Variants in BCAT1 observed in about 807,000 individuals in gnomAD.
The protein encoded by BCAT1 is branched-chain-amino-acid aminotransferase, cytosolic.
Under a neutral mutation model 52.4 loss-of-function variants are expected in BCAT1, and 48 were observed. The observed-to-expected ratio is 0.92, with a 90% CI of 0.73 to 1.16. The LOEUF (loss-of-function observed/expected upper bound fraction) is 1.16. Among genes scored for constraint, BCAT1 ranks in the 50% most tolerant of loss-of-function variants. The pLI is 0.00. For missense variants in BCAT1, 451 were observed against 457.1 expected (o/e 0.99, Z 0.12); for synonymous variants, 167 against 161.3 (o/e 1.04, Z -0.27).
At chr12:24,919,221 T>C (rs1943466155) in intron 1 of BCAT1, among the ~76,000 whole-genome samples, 1 of 152,268 alleles carries the variant, frequency 6.6e-6, no homozygotes, top group South Asian at 2.1e-4. Flanking sequence ...GGCTATTTAT[T>C]CAGGCTACTT....
intron 1 of BCAT1, among the ~76,000 whole-genome samples, chr12:24,935,667 C>A (rs901646259): frequency 2.6e-5 from 4 of 152,190 alleles, no homozygotes; most frequent in African/African-American, 9.7e-5. Context: ...CTCAATTTAT[C>A]CCTTTTTCTC....
chr12:24,888,742 T>G (rs1248995200), intron 3 of BCAT1, among the ~76,000 whole-genome samples: 2 of 152,134 alleles, frequency 1.3e-5, no homozygotes, highest in African/African-American at 4.8e-5. Flanking sequence ...ATACAGGAGT[T>G]AAGAAATCAC....
At chr12:24,829,733 T>C in intron 10 of BCAT1, 90 bp downstream of exon 10, 1 of 1,048,130 alleles carries the variant, frequency 9.5e-7, no homozygotes. Flanking sequence ...TTCATTGAAA[T>C]ATAATTTAGT....
At chr12:24,944,627 A>T (rs748607162) in intron 1 of BCAT1, among the ~76,000 whole-genome samples, 1 of 152,204 alleles carries the variant, frequency 6.6e-6, no homozygotes, top group African/African-American at 2.4e-5. Flanking sequence ...AACAGCAAAA[A>T]CAGTTCTCAC....
chr12:24,907,561 G>A (rs891676685), intron 1 of BCAT1, among the ~76,000 whole-genome samples: 14 of 152,046 alleles, frequency 9.2e-5, no homozygotes, highest in Non-Finnish European at 1.5e-4. Context: ...CACCCTAACC[G>A]ATCAATTGAC....
chr12:24,853,845 C>T (rs954606979), intron 5 of BCAT1, among the ~76,000 whole-genome samples: 26 of 151,854 alleles, frequency 1.7e-4, no homozygotes, highest in African/African-American at 5.6e-4. Context: ...TACTAGCTTC[C>T]TGGAATATTC....
At chr12:24,831,190 G>A (rs1391748465) in intron 9 of BCAT1, among the ~76,000 whole-genome samples, 1 of 152,256 alleles carries the variant, frequency 6.6e-6, no homozygotes, top group South Asian at 2.1e-4. Flanking sequence ...GTAATGAATA[G>A]TAAATATATT....
chr12:24,942,059 G>A (rs1175474732), intron 1 of BCAT1, among the ~76,000 whole-genome samples: 2 of 152,182 alleles, frequency 1.3e-5, no homozygotes, highest in Non-Finnish European at 2.9e-5. Flanking sequence ...TTTGCGTGGT[G>A]GAATGACATC....
In BCAT1 at chr12:24,881,297, A is replaced by T; in HGVS notation, c.390+4T>A. 1 of 1,593,822 alleles carries T rather than the reference A, an allele frequency of 6.3e-7. No homozygotes were observed. Among genetic ancestry groups the T allele is most frequent in the Non-Finnish European group, 8.6e-7 (1 of 1,163,446 alleles). On this transcript the variant is annotated splice_donor_region_variant and intron_variant, in intron 4 of 10. Transcript: ENST00000261192. ...ACACAAAAGAAACTCCTACACTTAC[A>T]TACCGGCAGAGTTGCCCTCACAGCA...
chr12:24,913,015 C>A (rs1193603049), intron 1 of BCAT1, among the ~76,000 whole-genome samples: 2 of 152,106 alleles, frequency 1.3e-5, no homozygotes, highest in Admixed American at 1.3e-4. Flanking sequence ...GAAACCCTGT[C>A]TTTACAAAAA....
At chr12:24,885,575 A>ATTT (rs1211497351) in intron 3 of BCAT1, among the ~76,000 whole-genome samples, 4 of 152,222 alleles carry the variant, frequency 2.6e-5, no homozygotes, top group Non-Finnish European at 5.9e-5. Context: ...TCTAAAAATT[A>ATTT]TATGGAAAGA....
chr12:24,948,995 C>G lies in BCAT1; in HGVS notation c.-63G>C. The G allele has an allele frequency of 3.2e-6, 5 of 1,558,266 alleles. No homozygotes were observed. The highest frequency in any genetic ancestry group is 1.4e-5 in the African/African-American group (1 of 73,758). ...AGGGCAGATCCCAAGGGTCGTAGCC[C>G]CTGGCCGTGTGGACCGGGTCTGCGG... is the stretch of plus-strand genomic sequence containing the variant. On this transcript the variant is annotated 5_prime_UTR_variant, in exon 1 of 11. Coordinates refer to ENST00000261192, the MANE Select transcript of BCAT1 (RefSeq NM_005504.7).
At chr12:24,846,497 T>C (rs533236435) in intron 6 of BCAT1, among the ~76,000 whole-genome samples, 2 of 152,114 alleles carry the variant, frequency 1.3e-5, no homozygotes, top group African/African-American at 4.8e-5. Flanking sequence ...TTTAAATAGG[T>C]TATCTGGGAG....
chr12:24,888,212 A>T (rs1014161176), intron 3 of BCAT1, among the ~76,000 whole-genome samples: 7 of 152,216 alleles, frequency 4.6e-5, no homozygotes, highest in African/African-American at 1.7e-4. Flanking sequence ...GGTTAAAAAA[A>T]AAAGACAGAA....
At chr12:24,875,942 A>G (rs567355577) in intron 5 of BCAT1, among the ~76,000 whole-genome samples, 26 of 152,334 alleles carry the variant, frequency 1.7e-4, no homozygotes, top group African/African-American at 6.0e-4. Flanking sequence ...TGCATTTAAT[A>G]TACCTAACCT....
At chr12:24,866,089 C>T (rs1246556977) in intron 5 of BCAT1, among the ~76,000 whole-genome samples, 3 of 152,150 alleles carry the variant, frequency 2.0e-5, no homozygotes, top group African/African-American at 2.4e-5. Context: ...GAGGCATGGG[C>T]GGGAACCCGG....
At chr12:24,831,077 C>T (rs1440305188) in intron 9 of BCAT1, among the ~76,000 whole-genome samples, 1 of 152,194 alleles carries the variant, frequency 6.6e-6, no homozygotes, top group African/African-American at 2.4e-5. Flanking sequence ...GCCTCTGCCA[C>T]TCCTAAAACA....
At chr12:24,842,867 G>A (rs1941215690) in intron 6 of BCAT1, among the ~76,000 whole-genome samples, 1 of 152,098 alleles carries the variant, frequency 6.6e-6, no homozygotes, top group Non-Finnish European at 1.5e-5. Context: ...AAGGAACACA[G>A]CACATTTTCC....
intron 5 of BCAT1, among the ~76,000 whole-genome samples, chr12:24,852,553 C>T (rs1215359758): frequency 6.6e-6 from 1 of 151,914 alleles, no homozygotes; most frequent in African/African-American, 2.4e-5. Context: ...AATAAATTTC[C>T]CCTGGTTCAT....
Sources: allele counts gnomAD v4.1 joint callset (sites outside exome capture counted in the v4.1 genomes callset), GRCh38; gene constraint gnomAD v4.1.1; transcripts MANE v1.5; gene names NCBI Gene and HGNC (gene_info 2026-07-23, HGNC 2026-07-21).